AKAP19: variants seen among roughly 807,000 people sequenced by gnomAD.
AKAP19 encodes the protein A-kinase anchoring protein 19, also known as small A-kinase anchoring protein.
chr2:190,127,175 A>C, the AKAP19 span, among the ~76,000 whole-genome samples: 1 of 148,282 alleles, frequency 6.7e-6, no homozygotes, highest in Non-Finnish European at 1.5e-5. Flanking sequence ...GAACTTAAGC[A>C]ATATGTGCCC....
At chr2:190,174,382 C>T in the AKAP19 span, among the ~76,000 whole-genome samples, 2 of 152,212 alleles carry the variant, frequency 1.3e-5, no homozygotes, top group Non-Finnish European at 2.9e-5. Context: ...TAAATACAGT[C>T]CCTTGTCCAT....
chr2:190,038,988 T>G, the AKAP19 span, among the ~76,000 whole-genome samples: 1 of 135,606 alleles, frequency 7.4e-6, no homozygotes, highest in East Asian at 2.1e-4. Flanking sequence ...TTCTTCTTCC[T>G]TTCTTTCTTC....
chr2:190,123,784 G>A, the AKAP19 span, among the ~76,000 whole-genome samples: 15 of 152,312 alleles, frequency 9.8e-5, no homozygotes, highest in African/African-American at 3.6e-4. Context: ...TTGTGTCTAA[G>A]AGGGTGTTTC....
At chr2:190,181,292 C>A in the AKAP19 span, 1 of 339,984 alleles carries the variant, frequency 2.9e-6, no homozygotes, top group Non-Finnish European at 4.2e-6. Flanking sequence ...GTCCCCTAAT[C>A]GAGAAGAGTT....
the AKAP19 span, among the ~76,000 whole-genome samples, chr2:189,929,255 T>TA: frequency 6.6e-6 from 1 of 152,092 alleles, no homozygotes; most frequent in African/African-American, 2.4e-5. Context: ...AGCATTACAG[T>TA]AATGAGGGAT....
the AKAP19 span, among the ~76,000 whole-genome samples, chr2:190,101,228 G>A: frequency 6.6e-6 from 1 of 152,342 alleles, no homozygotes; most frequent in African/African-American, 2.4e-5. Flanking sequence ...ACAGGCCAGA[G>A]TTGTGGAAAG....
chr2:190,125,551 A>T, the AKAP19 span, among the ~76,000 whole-genome samples: 1 of 152,298 alleles, frequency 6.6e-6, no homozygotes, highest in Non-Finnish European at 1.5e-5. Flanking sequence ...GCCACTCTGT[A>T]ATCAATGCAA....
chr2:190,078,007 G>T, the AKAP19 span, among the ~76,000 whole-genome samples: 2,619 of 152,172 alleles, frequency 0.017, 124 homozygotes, highest in East Asian at 0.18. Context: ...GGAGTTCTTT[G>T]CCTGGCTCAT....
the AKAP19 span, among the ~76,000 whole-genome samples, chr2:190,041,463 A>G: frequency 6.6e-6 from 1 of 152,180 alleles, no homozygotes; most frequent in Non-Finnish European, 1.5e-5. Context: ...TCATCTGCAA[A>G]CAGTGATAGT....
the AKAP19 span, among the ~76,000 whole-genome samples, chr2:189,966,976 A>T: frequency 6.6e-6 from 1 of 152,218 alleles, no homozygotes; most frequent in African/African-American, 2.4e-5. Context: ...CTAAGTATTC[A>T]TTCATTAAAT....
chr2:190,125,089 G>A, the AKAP19 span, among the ~76,000 whole-genome samples: 7 of 152,040 alleles, frequency 4.6e-5, no homozygotes, highest in South Asian at 6.2e-4. Flanking sequence ...CCTTCTGGAG[G>A]CTGTTTTACA....
At chr2:190,198,938 T>G in the AKAP19 span, among the ~76,000 whole-genome samples, 1 of 152,174 alleles carries the variant, frequency 6.6e-6, no homozygotes, top group East Asian at 1.9e-4. Context: ...AATGAGACAT[T>G]TAGGAGGAAA....
chr2:189,916,332 T>G, the AKAP19 span, among the ~76,000 whole-genome samples: 3 of 139,946 alleles, frequency 2.1e-5, no homozygotes, highest in Non-Finnish European at 3.1e-5. Context: ...TTTTCTTCTT[T>G]TTTTTTTTTT....
the AKAP19 span, among the ~76,000 whole-genome samples, chr2:190,085,333 A>G: frequency 5.9e-5 from 9 of 152,318 alleles, no homozygotes; most frequent in African/African-American, 2.2e-4. Context: ...TTTCAGTAAC[A>G]TTTTGGGTTC....
the AKAP19 span, among the ~76,000 whole-genome samples, chr2:189,881,788 A>T: frequency 1.3e-5 from 2 of 152,218 alleles, no homozygotes. Flanking sequence ...GAAAATAATA[A>T]AAATTGAAAA....
the AKAP19 span, among the ~76,000 whole-genome samples, chr2:189,987,353 C>T: frequency 6.6e-6 from 1 of 152,158 alleles, no homozygotes; most frequent in Non-Finnish European, 1.5e-5. Flanking sequence ...CCAATTAAAC[C>T]TCTTTTTCTT....
the AKAP19 span, among the ~76,000 whole-genome samples, chr2:189,893,784 C>A: frequency 6.6e-6 from 1 of 151,946 alleles, no homozygotes; most frequent in Non-Finnish European, 1.5e-5. Context: ...GAAAAAAAGG[C>A]AATAAAAAAA....
the AKAP19 span, among the ~76,000 whole-genome samples, chr2:189,982,664 C>CTTT: frequency 0.012 from 1,698 of 143,882 alleles, 40 homozygotes; most frequent in African/African-American, 0.04. Flanking sequence ...GGAACCTTAA[C>CTTT]TTTTTTTTTT....
the AKAP19 span, among the ~76,000 whole-genome samples, chr2:189,932,050 C>T: frequency 6.6e-6 from 1 of 152,182 alleles, no homozygotes. Flanking sequence ...GGTCCAGAAT[C>T]CCTCATCGTG....
Sources: gnomAD v4.1 joint callset for allele counts (sites outside exome capture counted in the v4.1 genomes callset) on GRCh38, gnomAD v4.1.1 for gene constraint, MANE v1.5 for transcripts, NCBI Gene and HGNC (gene_info 2026-07-23, HGNC 2026-07-21) for gene names.